Variants in SLC22A9 observed in about 807,000 individuals in gnomAD.
SLC22A9 encodes the protein solute carrier family 22 member 9.
A neutral mutation model predicts 50.1 loss-of-function variants in SLC22A9; 64 were observed. That is an observed-to-expected ratio of 1.28 (90% CI 1.04 to 1.57). The LOEUF (loss-of-function observed/expected upper bound fraction) is 1.57, where lower values mean the gene tolerates loss of function less well. SLC22A9 is among the 40% of genes most tolerant of loss of function. The probability of loss-of-function intolerance (pLI) is 0.00; values close to 1 mark genes in which losing one functional copy is unlikely to be tolerated. For synonymous variants in SLC22A9, 261 were observed against 242.5 expected, an observed-to-expected ratio of 1.08 and a Z score of -0.71; for missense variants, 757 against 676.1, an observed-to-expected ratio of 1.12 and a Z score of -1.33.
chr11:63,386,962 T>C (rs2014680721), intron 6 of SLC22A9, among the ~76,000 whole-genome samples: 1 of 152,120 alleles, frequency 6.6e-6, no homozygotes, highest in Admixed American at 6.6e-5. Flanking sequence ...CTCTTGGTTC[T>C]CCAGTTCTTT....
rs758001813 is a variant in SLC22A9 at position 63,370,187 on chromosome 11, T to C, written c.131T>C (p.Ile44Thr). Residue 44 changes from isoleucine (I) to threonine (T), a missense_variant, in exon 1 of 10, where the codon ATA becomes ACA. By Grantham distance (89) the Ile-to-Thr change is moderately conservative. Coordinates refer to ENST00000279178, the MANE Select transcript of SLC22A9 (RefSeq NM_080866.3). Reference sequence around the variant, plus strand: ...ATGCTGGAGAACTTCACTGCATTCATACCTGGCCATCGCTGCTGGGTCCAC... The same window carrying C: ...ATGCTGGAGAACTTCACTGCATTCACACCTGGCCATCGCTGCTGGGTCCAC... ...HFMLENFTAF[I>T]PGHRCWVHIL... 3 of 1,613,976 alleles carry C rather than the reference T, an allele frequency of 1.9e-6. No homozygotes were observed. The East Asian group carries it at 6.7e-5, about 36-fold the overall frequency.
chr11:63,370,278 AATCTCC>A lies in SLC22A9; in HGVS notation c.226_231del (p.Ser76_Ile77del). 1 of 1,614,026 alleles carries A rather than the reference AATCTCC, an allele frequency of 6.2e-7. No homozygotes were observed. Among genetic ancestry groups the A allele is most frequent in the South Asian group, 1.1e-5 (1 of 91,074 alleles). ...CCCTCAGCCAAGATGCACTCTTGAG[AATCTCC>A]ATCCCACTGGACTCAAACATGAGGC... is the stretch of plus-strand genomic sequence containing the variant. On this transcript the variant is annotated inframe_deletion, in exon 1 of 10. Coordinates refer to ENST00000279178, the MANE Select transcript of SLC22A9 (RefSeq NM_080866.3).
intron 6 of SLC22A9, among the ~76,000 whole-genome samples, chr11:63,391,949 C>T (rs1270347482): frequency 6.6e-6 from 1 of 151,904 alleles, no homozygotes; most frequent in Admixed American, 6.6e-5. Flanking sequence ...ATGTTTTAAT[C>T]TCCTACTTTT....
intron 5 of SLC22A9, among the ~76,000 whole-genome samples, chr11:63,378,203 A>C (rs1363043795): frequency 7.0e-6 from 1 of 142,000 alleles, no homozygotes; most frequent in East Asian, 1.9e-4. Context: ...ACAAGACTAG[A>C]TTCATTCTAA....
At chr11:63,378,999 T>C (rs2014513676) in intron 5 of SLC22A9, among the ~76,000 whole-genome samples, 1 of 152,092 alleles carries the variant, frequency 6.6e-6, no homozygotes, top group South Asian at 2.1e-4. Flanking sequence ...ACATTTTTTA[T>C]AGAATTAGAG....
intron 6 of SLC22A9, among the ~76,000 whole-genome samples, chr11:63,399,303 T>C (rs2014913928): frequency 6.6e-6 from 1 of 152,196 alleles, no homozygotes; most frequent in East Asian, 1.9e-4. Context: ...TTCCTACAAG[T>C]AATGTACTTC....
intron 4 of SLC22A9, among the ~76,000 whole-genome samples, 200 bp downstream of exon 4, chr11:63,374,262 A>C (rs556427284): frequency 3.3e-5 from 5 of 152,300 alleles, no homozygotes; most frequent in African/African-American, 1.2e-4. Flanking sequence ...AAATTTCAAC[A>C]TAAGGTAACC....
chr11:63,376,996 A>T (rs1225639015), intron 5 of SLC22A9, among the ~76,000 whole-genome samples: 1 of 152,170 alleles, frequency 6.6e-6, no homozygotes, highest in Admixed American at 6.6e-5. Flanking sequence ...AATAAGATTT[A>T]ACTATCTTAA....
Position 63,369,935 on chromosome 11 carries a change from G to A in SLC22A9, c.-122G>A. On this transcript the variant is annotated 5_prime_UTR_variant, in exon 1 of 10. Coordinates refer to ENST00000279178, the MANE Select transcript of SLC22A9 (RefSeq NM_080866.3). ...AGAGGGGAAGCACAGTCGTCAAGAA[G>A]AGAGTGGGGTCAGGATCAAAACACA... is the stretch of plus-strand genomic sequence containing the variant. The A allele has an allele frequency of 1.0e-6, 1 of 990,216 alleles. No homozygotes were observed. The allele number at this position is 990,216 out of a possible 1,614,324, so 61.3% of individuals were successfully genotyped here. A position where few individuals can be genotyped will look rare whatever the true frequency, so the allele number is the denominator to read the frequency against.
At chr11:63,388,379 A>G (rs1326166435) in intron 6 of SLC22A9, among the ~76,000 whole-genome samples, 3 of 150,826 alleles carry the variant, frequency 2.0e-5, no homozygotes, top group African/African-American at 7.3e-5. Context: ...TTTTTTTATC[A>G]GAAATGGATG....
chr11:63,401,332 T>C (rs2014949125), intron 6 of SLC22A9, among the ~76,000 whole-genome samples: 1 of 152,030 alleles, frequency 6.6e-6, no homozygotes. Context: ...ACATAAAACA[T>C]AATTACCATA....
intron 6 of SLC22A9, among the ~76,000 whole-genome samples, chr11:63,383,835 G>A (rs1193762410): frequency 6.6e-6 from 1 of 152,132 alleles, no homozygotes; most frequent in Non-Finnish European, 1.5e-5. Flanking sequence ...TAGATCACGA[G>A]GTCAAGAGAT....
intron 6 of SLC22A9, among the ~76,000 whole-genome samples, chr11:63,401,071 CTCT>C (rs2014944793): frequency 1.3e-5 from 2 of 151,970 alleles, no homozygotes; most frequent in African/African-American, 2.4e-5. Flanking sequence ...AAAATGAAAG[CTCT>C]TCTTCTAAGA....
intron 5 of SLC22A9, among the ~76,000 whole-genome samples, chr11:63,380,216 G>A (rs993472566): frequency 1.3e-5 from 2 of 152,120 alleles, no homozygotes; most frequent in Non-Finnish European, 2.9e-5. Context: ...CAGAAAAAAG[G>A]GAACACTTAA....
chr11:63,398,236 T>C (rs1285213694), intron 6 of SLC22A9, among the ~76,000 whole-genome samples: 2 of 152,032 alleles, frequency 1.3e-5, no homozygotes, highest in Non-Finnish European at 2.9e-5. Context: ...GTGGCTGAAA[T>C]AGTATCCATG....
At chr11:63,396,374 G>C (rs1339360159) in intron 6 of SLC22A9, among the ~76,000 whole-genome samples, 2 of 152,190 alleles carry the variant, frequency 1.3e-5, no homozygotes, top group African/African-American at 2.4e-5. Context: ...CTTTCCTGCT[G>C]CTTCCTCTGC....
At chr11:63,407,944 A>G (rs915680531) in intron 7 of SLC22A9, among the ~76,000 whole-genome samples, 168 bp from the exon 8 acceptor site, 2 of 152,238 alleles carry the variant, frequency 1.3e-5, no homozygotes, top group African/African-American at 4.8e-5. Context: ...AAGACAAATC[A>G]TGTTTCTCAG....
At chr11:63,386,838 G>A (rs1025412241) in intron 6 of SLC22A9, among the ~76,000 whole-genome samples, 7 of 136,798 alleles carry the variant, frequency 5.1e-5, no homozygotes, top group Non-Finnish European at 8.9e-5. Context: ...TTGTTTTTTT[G>A]TTTTGTTTTG....
At chr11:63,372,012 T>A (rs1386770679) in intron 2 of SLC22A9, among the ~76,000 whole-genome samples, 2 of 152,144 alleles carry the variant, frequency 1.3e-5, no homozygotes, top group East Asian at 1.9e-4. Context: ...GGAAATGGAA[T>A]GTAGAATGAG....
Sources: allele counts gnomAD v4.1 joint callset (sites outside exome capture counted in the v4.1 genomes callset), GRCh38; gene constraint gnomAD v4.1.1; transcripts MANE v1.5; gene names NCBI Gene and HGNC (gene_info 2026-07-23, HGNC 2026-07-21).